The following FOCAD variants were observed in gnomAD, a reference collection of about 807,000 sequenced individuals.
FOCAD encodes the protein focadhesin, also known as KIAA1797.
A neutral mutation model predicts 225.6 loss-of-function variants in FOCAD; 198 were observed. The ratio of observed to expected loss-of-function variants is 0.88; its 90% confidence interval spans 0.78 to 0.99. The LOEUF (loss-of-function observed/expected upper bound fraction) is 0.99. Among genes scored for constraint, FOCAD ranks in the 50% least tolerant of loss-of-function variants. The probability of loss-of-function intolerance (pLI) is 0.00; values close to 1 mark genes in which losing one functional copy is unlikely to be tolerated. For synonymous variants in FOCAD, 897 were observed against 755.0 expected (o/e 1.19, Z -3.08); for missense variants, 2,713 against 2,123.6 (o/e 1.28, Z -5.46).
Position 20,916,810 on chromosome 9 carries a change from G to T in FOCAD, c.2808-83G>T. On this transcript the variant is annotated intron_variant, in intron 23 of 43. Transcript: ENST00000338382. The stretch of plus-strand genomic sequence containing the variant: ...TTAAGATCTGGAGCCATTGCTGGAG[G>T]TTCTTATTAATTGATGAAAAAGAGA... 2 of 1,265,654 alleles carry T rather than the reference G, an allele frequency of 1.6e-6. 1 individual carries two copies. Among genetic ancestry groups the T allele is most frequent in the South Asian group, 2.8e-5 (2 of 72,244 alleles). The allele number at this position is 1,265,654 out of a possible 1,614,324, so 78.4% of individuals were successfully genotyped here. A position where few individuals can be genotyped will look rare whatever the true frequency, so the allele number is the denominator to read the frequency against.
intron 35 of FOCAD, among the ~76,000 whole-genome samples, chr9:20,963,982 T>C (rs1209825462): frequency 2.0e-5 from 3 of 152,084 alleles, no homozygotes; most frequent in Non-Finnish European, 4.4e-5. Context: ...CAGTACCTGA[T>C]ACCTAATAGA....
chr9:20,747,346 C>T (rs1230651984), intron 5 of FOCAD, among the ~76,000 whole-genome samples: 1 of 152,024 alleles, frequency 6.6e-6, no homozygotes, highest in Non-Finnish European at 1.5e-5. Flanking sequence ...TTTACATTAG[C>T]AGTATACTTA....
intron 9 of FOCAD, among the ~76,000 whole-genome samples, chr9:20,780,197 G>A (rs12684520): frequency 0.19 from 28,147 of 152,136 alleles, 3,149 homozygotes; most frequent in Non-Finnish European, 0.24. Flanking sequence ...GTGATCATTT[G>A]TAGTTAATCC....
chr9:20,929,984 A>G (rs1037367624), intron 27 of FOCAD, among the ~76,000 whole-genome samples: 5 of 152,194 alleles, frequency 3.3e-5, no homozygotes, highest in Non-Finnish European at 7.3e-5. Context: ...ATATCATTGA[A>G]AATGAGAGGA....
At chr9:20,952,577 A>G (rs751619318) in intron 34 of FOCAD, 38 of 209,296 alleles carry the variant, frequency 1.8e-4, no homozygotes, top group Non-Finnish European at 3.4e-4. Flanking sequence ...ATTCGATTCC[A>G]CATGTCCTGA....
At chr9:20,732,406 A>G (rs890421452) in intron 4 of FOCAD, among the ~76,000 whole-genome samples, 1 of 152,216 alleles carries the variant, frequency 6.6e-6, no homozygotes, top group Admixed American at 6.5e-5. Context: ...TACAGGAAAT[A>G]GTATGTGCCA....
chr9:20,989,105 G>C (rs1841436310), intron 41 of FOCAD, among the ~76,000 whole-genome samples: 1 of 152,136 alleles, frequency 6.6e-6, no homozygotes, highest in Non-Finnish European at 1.5e-5. Flanking sequence ...TGTGCATTTT[G>C]TAATAGCAGA....
At chr9:20,801,741 A>T (rs1392349206) in intron 11 of FOCAD, among the ~76,000 whole-genome samples, 7 of 152,032 alleles carry the variant, frequency 4.6e-5, no homozygotes, top group Non-Finnish European at 1.0e-4. Flanking sequence ...TGTATTTCAG[A>T]TTTAATTTTC....
chr9:20,869,505 T>C (rs550997082), intron 18 of FOCAD, among the ~76,000 whole-genome samples: 2 of 152,118 alleles, frequency 1.3e-5, no homozygotes, highest in Non-Finnish European at 2.9e-5. Flanking sequence ...AACAGACTGG[T>C]AGAACAAAAA....
intron 23 of FOCAD, 23 bp downstream of exon 23, chr9:20,912,977 C>T: frequency 1.9e-6 from 3 of 1,589,514 alleles, no homozygotes; most frequent in African/African-American, 1.3e-5. Context: ...GTTCAGCTGC[C>T]CATTATTTGT....
At chr9:20,943,996 T>C (rs1836924293) in intron 28 of FOCAD, among the ~76,000 whole-genome samples, 1 of 152,238 alleles carries the variant, frequency 6.6e-6, no homozygotes, top group Non-Finnish European at 1.5e-5. Flanking sequence ...TTGACAAGCC[T>C]GTCATTTGTC....
chr9:20,937,691 A>G (rs1312667683), intron 28 of FOCAD, among the ~76,000 whole-genome samples: 4 of 152,116 alleles, frequency 2.6e-5, no homozygotes, highest in Non-Finnish European at 5.9e-5. Flanking sequence ...TGTCTAAAAC[A>G]CCAAAAGCAA....
chr9:20,919,421 A>G (rs1339496947), intron 24 of FOCAD, among the ~76,000 whole-genome samples: 1 of 152,230 alleles, frequency 6.6e-6, no homozygotes, highest in Non-Finnish European at 1.5e-5. Context: ...TGCCATCCCC[A>G]TCAAGCTACC....
intron 1 of FOCAD, among the ~76,000 whole-genome samples, chr9:20,698,863 T>C (rs1174135255): frequency 6.6e-6 from 1 of 152,212 alleles, no homozygotes; most frequent in Non-Finnish European, 1.5e-5. Flanking sequence ...AAAAGTGTGC[T>C]TGATTTTAAA....
intron 35 of FOCAD, among the ~76,000 whole-genome samples, chr9:20,965,158 G>T (rs1451904490): frequency 6.6e-6 from 1 of 152,156 alleles, no homozygotes; most frequent in Non-Finnish European, 1.5e-5. Context: ...GAAAAGTATG[G>T]AAAGAAAGAC....
intron 37 of FOCAD, among the ~76,000 whole-genome samples, chr9:20,978,877 A>G (rs1428279924): frequency 6.6e-6 from 1 of 152,210 alleles, no homozygotes; most frequent in African/African-American, 2.4e-5. Context: ...GGCAGCAATT[A>G]AGGTGGGCCA....
chr9:20,791,473 T>A (rs1563995425), intron 11 of FOCAD, among the ~76,000 whole-genome samples: 1 of 152,192 alleles, frequency 6.6e-6, no homozygotes, highest in Non-Finnish European at 1.5e-5. Flanking sequence ...ACATTTATCA[T>A]TTTTGTGTGT....
intron 8 of FOCAD, among the ~76,000 whole-genome samples, chr9:20,774,706 A>C (rs1008544062): frequency 6.6e-6 from 1 of 152,142 alleles, no homozygotes; most frequent in African/African-American, 2.4e-5. Flanking sequence ...GTGGCTCTTG[A>C]ATCTAATTTT....
intron 27 of FOCAD, among the ~76,000 whole-genome samples, chr9:20,930,609 C>A (rs1420156915): frequency 6.6e-6 from 1 of 151,990 alleles, no homozygotes; most frequent in East Asian, 1.9e-4. Flanking sequence ...TTCACAAACA[C>A]AAGTATGTGA....
Sources: gnomAD v4.1 joint callset for allele counts (sites outside exome capture counted in the v4.1 genomes callset) on GRCh38, gnomAD v4.1.1 for gene constraint, MANE v1.5 for transcripts, NCBI Gene and HGNC (gene_info 2026-07-23, HGNC 2026-07-21) for gene names.